STXBP4: variants seen among roughly 807,000 people sequenced by gnomAD.
The protein encoded by STXBP4 is syntaxin-binding protein 4.
In STXBP4, 55 loss-of-function variants were observed where a neutral mutation model predicts 76.1. The ratio of observed to expected loss-of-function variants is 0.72; its 90% CI spans 0.58 to 0.91. The LOEUF is 0.91. Among genes scored for constraint, STXBP4 ranks in the 40% least tolerant of loss-of-function variants. The pLI, the probability that STXBP4 is intolerant of heterozygous loss-of-function variation, is 0.00. For missense variants in STXBP4, 618 were observed against 636.9 expected (o/e 0.97, Z 0.32); for synonymous variants, 201 against 220.2 (o/e 0.91, Z 0.77).
chr17:55,003,706 G>T (rs1210708231), intron 7 of STXBP4, among the ~76,000 whole-genome samples: 1 of 151,998 alleles, frequency 6.6e-6, no homozygotes, highest in African/African-American at 2.4e-5. Flanking sequence ...TGTAAAATAG[G>T]TTAGAATTTT....
chr17:55,168,779 A>G lies in STXBP4; in HGVS notation c.*8868A>G, dbSNP rs1008344572. ...CCATCAGGATAAATAACATTTCTTA[A>G]AGGAATATTCTACTGCAGTCTCTGA... On this transcript the variant is annotated 3_prime_UTR_variant, in exon 18 of 18. Transcript: ENST00000376352. The G allele has an allele frequency of 2.0e-5, 3 of 152,174 alleles. No homozygotes were observed. The highest frequency in any genetic ancestry group is 7.2e-5 in the African/African-American group (3 of 41,444). The allele number at this position is 152,174 out of a possible 1,614,324, so 9.4% of individuals were successfully genotyped here.
intron 1 of STXBP4, among the ~76,000 whole-genome samples, chr17:54,977,007 G>A (rs1451116964): frequency 3.9e-5 from 6 of 151,926 alleles, no homozygotes; most frequent in South Asian, 2.1e-4. Context: ...ATTTTAGCTC[G>A]TCAGGGAGAG....
intron 16 of STXBP4, among the ~76,000 whole-genome samples, chr17:55,120,066 A>G (rs1223713920): frequency 2.0e-5 from 3 of 152,296 alleles, no homozygotes; most frequent in East Asian, 3.9e-4. Context: ...GTACTTCTCA[A>G]GTAGAAAATA....
chr17:55,004,761 A>G (rs182541710), intron 7 of STXBP4, among the ~76,000 whole-genome samples: 1 of 151,690 alleles, frequency 6.6e-6, no homozygotes, highest in Admixed American at 6.6e-5. Flanking sequence ...GGAGGAGGAG[A>G]AGGAGACGGA....
intron 8 of STXBP4, among the ~76,000 whole-genome samples, chr17:55,010,260 A>G (rs1169424040): frequency 6.6e-6 from 1 of 151,980 alleles, no homozygotes; most frequent in Non-Finnish European, 1.5e-5. Context: ...ATATATATAT[A>G]TATACACACA....
At position 55,155,920 on chromosome 17, in the gene STXBP4, A is replaced by G. The variant is rs576093183; in HGVS notation, c.1548-3877A>G. Reference sequence around the variant, plus strand: ...TCTAAAATGTGTCTTTCAGTTTACTAATATTATTTTTTAAAACACACAATA... The same window carrying G: ...TCTAAAATGTGTCTTTCAGTTTACTGATATTATTTTTTAAAACACACAATA... On this transcript the variant is annotated intron_variant, in intron 17 of 17. Transcript: ENST00000376352. Among the ~76,000 whole-genome samples the G allele has an allele frequency of 1.7e-3, 256 of 152,262 alleles. 3 individuals are homozygous for G. Among genetic ancestry groups the G allele is most frequent in the African/African-American group, 6.0e-3 (248 of 41,548 alleles).
chr17:55,135,690 A>G (rs1398176011), intron 16 of STXBP4, among the ~76,000 whole-genome samples: 1 of 152,140 alleles, frequency 6.6e-6, no homozygotes, highest in Non-Finnish European at 1.5e-5. Flanking sequence ...GTACAATTGT[A>G]AACATGTAAT....
chr17:55,107,009 G>A (rs1011513525), intron 16 of STXBP4, among the ~76,000 whole-genome samples: 1 of 152,118 alleles, frequency 6.6e-6, no homozygotes, highest in African/African-American at 2.4e-5. Context: ...AAGTTCTCCT[G>A]GATAATATCC....
chr17:55,211,714 A>T, the STXBP4 span, among the ~76,000 whole-genome samples: 1 of 151,722 alleles, frequency 6.6e-6, no homozygotes, highest in Non-Finnish European at 1.5e-5. Context: ...TCCATTTGAC[A>T]AGCTTCCCCA....
the STXBP4 span, among the ~76,000 whole-genome samples, chr17:55,180,572 A>G: frequency 6.6e-6 from 1 of 152,312 alleles, no homozygotes. Context: ...CTAAAGAATT[A>G]CAATTTAGAG....
At chr17:55,061,555 C>G (rs1262393707) in intron 12 of STXBP4, among the ~76,000 whole-genome samples, 1 of 152,106 alleles carries the variant, frequency 6.6e-6, no homozygotes, top group Non-Finnish European at 1.5e-5. Context: ...TCACTGTGGC[C>G]TCAGAATGCC....
At chr17:55,065,803 T>C (rs1417156820) in intron 12 of STXBP4, among the ~76,000 whole-genome samples, 1 of 152,226 alleles carries the variant, frequency 6.6e-6, no homozygotes, top group Non-Finnish European at 1.5e-5. Flanking sequence ...ATAAAGGAGA[T>C]TGAAAATTGT....
intron 8 of STXBP4, among the ~76,000 whole-genome samples, chr17:55,009,782 C>T (rs561025429): frequency 2.4e-4 from 36 of 152,014 alleles, no homozygotes; most frequent in Admixed American, 4.6e-4. Flanking sequence ...TTCGTGAAAT[C>T]TACATTAGCA....
the STXBP4 span, among the ~76,000 whole-genome samples, chr17:55,197,694 G>T: frequency 6.6e-6 from 1 of 151,340 alleles, no homozygotes; most frequent in Admixed American, 6.6e-5. Flanking sequence ...AGTGAGCCGA[G>T]ATTGCACCAC....
chr17:55,040,688 G>T (rs1370121151), intron 10 of STXBP4, among the ~76,000 whole-genome samples: 1 of 152,172 alleles, frequency 6.6e-6, no homozygotes, highest in East Asian at 1.9e-4. Flanking sequence ...GGAGACTCTA[G>T]AAAGCAGAGT....
chr17:55,163,971 T>C lies in STXBP4; in HGVS notation c.*4060T>C, dbSNP rs1213993918. 2 of 152,586 alleles carry C rather than the reference T, an allele frequency of 1.3e-5. No homozygotes were observed. The highest frequency in any genetic ancestry group is 1.9e-4 in the East Asian group (1 of 5,202). The allele number at this position is 152,586 out of a possible 1,614,324, so 9.5% of individuals were successfully genotyped here. A position where few individuals can be genotyped will look rare whatever the true frequency, so the allele number is the denominator to read the frequency against. ...ATGTTATCCTTTTTCTCGGGAGAAA[T>C]GGGACATTTTTATTTTCTCTGCTAA... On this transcript the variant is annotated 3_prime_UTR_variant, in exon 18 of 18. Coordinates refer to ENST00000376352, the MANE Select transcript of STXBP4 (RefSeq NM_178509.6).
the STXBP4 span, among the ~76,000 whole-genome samples, chr17:55,204,606 C>G: frequency 3.7e-4 from 57 of 152,200 alleles, 1 homozygote; most frequent in Non-Finnish European, 6.6e-4. Flanking sequence ...ACTTACTCAC[C>G]TTAATCCCTC....
chr17:55,064,621 G>A (rs1301377082), intron 12 of STXBP4, among the ~76,000 whole-genome samples: 1 of 151,992 alleles, frequency 6.6e-6, no homozygotes, highest in African/African-American at 2.4e-5. Context: ...CGCCTCCTGA[G>A]TAGCTGGGAT....
chr17:55,144,393 T>C (rs542195683), intron 17 of STXBP4, among the ~76,000 whole-genome samples: 39 of 152,318 alleles, frequency 2.6e-4, no homozygotes, highest in Admixed American at 9.1e-4. Context: ...TACTTTAATA[T>C]ATGTTACACA....
Sources: allele counts gnomAD v4.1 joint callset (sites outside exome capture counted in the v4.1 genomes callset), GRCh38; gene constraint gnomAD v4.1.1; transcripts MANE v1.5; gene names NCBI Gene and HGNC (gene_info 2026-07-23, HGNC 2026-07-21).